The following NPL variants were observed in gnomAD, a reference collection of about 807,000 sequenced individuals.
NPL encodes the protein N-acetylneuraminate lyase.
Under a neutral mutation model 41.1 loss-of-function variants are expected in NPL, and 32 were observed. That is an observed-to-expected ratio of 0.78 (90% confidence interval 0.59 to 1.05). The LOEUF (loss-of-function observed/expected upper bound fraction) is 1.05, where lower values mean the gene tolerates loss of function less well. NPL is among the 50% of genes least tolerant of loss of function. The pLI is 0.00. For synonymous variants in NPL, 128 were observed against 134.9 expected (o/e 0.95, Z 0.35); for missense variants, 321 against 378.4 (o/e 0.85, Z 1.26).
chr1:182,829,064 G>A lies in NPL; in HGVS notation c.*156G>A. ...AGGTACCTTTTGTGAGCCTTAAAAA[G>A]TCTTATTTTGTGAAGGGGCAAAAAC... On this transcript the variant is annotated 3_prime_UTR_variant, in exon 13 of 13. Coordinates refer to ENST00000367553, the MANE Select transcript of NPL (RefSeq NM_030769.3). The A allele has an allele frequency of 1.4e-6, 2 of 1,455,090 alleles. No homozygotes were observed. Among genetic ancestry groups the A allele is most frequent in the Non-Finnish European group, 1.8e-6 (2 of 1,111,276 alleles). 90.1% of individuals were successfully genotyped at this position (1,455,090 alleles called of 1,614,324 possible).
In NPL at chr1:182,803,693, T is replaced by C; in HGVS notation, c.69-5T>C. 1 of 1,601,826 alleles carries C rather than the reference T, an allele frequency of 6.2e-7. No individual in the cohort carries two copies. The highest frequency in any genetic ancestry group is 8.6e-7 in the Non-Finnish European group (1 of 1,168,736). ...AATATGCCTTTTTTTCCACATGTCT[T>C]CTAGAGAAATCAACTTTTCAGTAAT... is the stretch of plus-strand genomic sequence containing the variant. On this transcript the variant is annotated splice_polypyrimidine_tract_variant and splice_region_variant and intron_variant, in intron 3 of 12. Transcript: ENST00000367553.
intron 3 of NPL, among the ~76,000 whole-genome samples, chr1:182,801,746 G>C (rs550913736): frequency 2.0e-5 from 3 of 152,106 alleles, no homozygotes; most frequent in Non-Finnish European, 4.4e-5. Flanking sequence ...TGAGGCAAGA[G>C]AATCACTTGA....
chr1:182,813,293 T>G (rs1458260040), intron 6 of NPL, among the ~76,000 whole-genome samples: 1 of 152,220 alleles, frequency 6.6e-6, no homozygotes, highest in African/African-American at 2.4e-5. Context: ...TGGCCCAGCT[T>G]CTTCTTAATG....
chr1:182,803,724 A>AC lies in NPL; in HGVS notation c.95_96insC (p.Gln32HisfsTer75). On this transcript the variant is annotated frameshift_variant, in exon 4 of 13. Coordinates refer to ENST00000367553, the MANE Select transcript of NPL (RefSeq NM_030769.3). LOFTEE classifies it high-confidence loss of function. Reference sequence around the variant, plus strand: ...GAAATCAACTTTTCAGTAATTGGTCAGTATGTGGATTATCTTGTGAAAGAA... The same window carrying AC: ...GAAATCAACTTTTCAGTAATTGGTCACGTATGTGGATTATCTTGTGAAAGAA... 6.2e-7 allele frequency: 1 copy of AC among 1,613,290 alleles called. No homozygotes were observed. Among genetic ancestry groups the AC allele is most frequent in the Non-Finnish European group, 8.5e-7 (1 of 1,179,226 alleles).
chr1:182,818,498 C>G (rs1363610490), intron 8 of NPL, 43 bp from the exon 9 acceptor site: 1 of 1,609,898 alleles, frequency 6.2e-7, no homozygotes. Context: ...ATGTTATTTC[C>G]TAGAGATGTG....
rs1667676598 is a variant in NPL at position 182,828,081 on chromosome 1, A to G, written c.779-643A>G. ...CCATCCACAAGCCTAGTAGAAGTCA[A>G]GCTTTCTTCTTTATCCCCAGACCAG... On this transcript the variant is annotated intron_variant, in intron 12 of 12. Coordinates refer to ENST00000367553, the MANE Select transcript of NPL (RefSeq NM_030769.3). This position sits in a 1 kb window ranked among gnomAD's most constrained non-coding sequence, Gnocchi z 4.0. Among the ~76,000 whole-genome samples, 1 of 152,112 alleles carries G rather than the reference A, an allele frequency of 6.6e-6. No homozygotes were observed.
At chr1:182,826,004 ATCT>A (rs1667622158) in intron 12 of NPL, 184 bp downstream of exon 12, 1 of 653,940 alleles carries the variant, frequency 1.5e-6, no homozygotes, top group Non-Finnish European at 2.8e-6. Context: ...TAGTTGGAAA[ATCT>A]TTGGCAACCT....
At chr1:182,803,154 C>T (rs1666900429) in intron 3 of NPL, among the ~76,000 whole-genome samples, 1 of 152,118 alleles carries the variant, frequency 6.6e-6, no homozygotes, top group African/African-American at 2.4e-5. Context: ...GTAATGACTT[C>T]CTAATAATTG....
chr1:182,792,526 G>A (rs995653301), intron 2 of NPL, among the ~76,000 whole-genome samples: 1 of 152,102 alleles, frequency 6.6e-6, no homozygotes, highest in Non-Finnish European at 1.5e-5. Context: ...CAGAGGCTAA[G>A]TGGCCTGCTT....
At chr1:182,806,353 G>A in intron 5 of NPL, 121 bp downstream of exon 5, 1 of 1,555,288 alleles carries the variant, frequency 6.4e-7, no homozygotes, top group Non-Finnish European at 8.7e-7. Context: ...GTCAGCTGGT[G>A]GGAAGATGAG....
intron 8 of NPL, among the ~76,000 whole-genome samples, chr1:182,818,035 T>G (rs545884861): frequency 6.6e-6 from 1 of 152,334 alleles, no homozygotes. Context: ...TTGGTTCCCC[T>G]GGCAACCAGC....
Position 182,818,870 on chromosome 1 carries a change from C to T in NPL, c.653+11C>T. 1 of 1,613,354 alleles carries T rather than the reference C, an allele frequency of 6.2e-7. No homozygotes were observed. The highest frequency in any genetic ancestry group is 8.5e-7 in the Non-Finnish European group (1 of 1,179,278). ...TGGAGCAGTGGGCAGGTAAGCATGACTCATTTTTCCCAGTGGTTATAAAGT... is the reference window on the plus strand; with the variant it reads ...TGGAGCAGTGGGCAGGTAAGCATGATTCATTTTTCCCAGTGGTTATAAAGT... On this transcript the variant is annotated intron_variant, in intron 10 of 12. Transcript: ENST00000367553.
intron 5 of NPL, among the ~76,000 whole-genome samples, chr1:182,807,783 C>G (rs1243685587): frequency 3.4e-5 from 5 of 147,686 alleles, no homozygotes; most frequent in Non-Finnish European, 5.9e-5. Flanking sequence ...CCCAGCTACT[C>G]AGGAGGCTGA....
intron 3 of NPL, among the ~76,000 whole-genome samples, chr1:182,800,821 C>T (rs1666826123): frequency 6.6e-6 from 1 of 151,390 alleles, no homozygotes; most frequent in South Asian, 2.1e-4. Flanking sequence ...CCTCCACCTC[C>T]CGGGTTCAAG....
intron 3 of NPL, among the ~76,000 whole-genome samples, chr1:182,800,717 A>G (rs1176204381): frequency 7.1e-6 from 1 of 141,552 alleles, no homozygotes; most frequent in African/African-American, 2.6e-5. Flanking sequence ...ATGGAAATGT[A>G]GCCCTGGCTT....
intron 4 of NPL, among the ~76,000 whole-genome samples, chr1:182,805,298 G>A (rs1322302137): frequency 1.3e-5 from 2 of 152,204 alleles, no homozygotes; most frequent in African/African-American, 4.8e-5. Context: ...GGGCATGGTG[G>A]TGGGTCCCTG....
chr1:182,827,127 C>G lies in NPL; in HGVS notation c.778+1307C>G, dbSNP rs1182113844. ...TGAAACTGCAGACAAGGGAGACCTA[C>G]TGTATATTCGATCATGCTAATATTT... On this transcript the variant is annotated intron_variant, in intron 12 of 12. Coordinates refer to ENST00000367553, the MANE Select transcript of NPL (RefSeq NM_030769.3). The G allele has an allele frequency of 2.0e-5, 3 of 152,216 alleles. No individual in the cohort carries two copies. In the East Asian group the frequency reaches 5.8e-4, roughly 29 times the overall value. 9.4% of individuals were successfully genotyped at this position (152,216 alleles called of 1,614,324 possible).
chr1:182,790,001 G>C (rs1303427742), intron 1 of NPL, among the ~76,000 whole-genome samples, 196 bp downstream of exon 1: 4 of 152,246 alleles, frequency 2.6e-5, no homozygotes, highest in Admixed American at 6.5e-5. Context: ...TGTAGGGACA[G>C]ACGGGGGCAG....
chr1:182,801,895 A>G (rs192045776), intron 3 of NPL, among the ~76,000 whole-genome samples: 30 of 152,260 alleles, frequency 2.0e-4, no homozygotes, highest in Admixed American at 4.6e-4. Flanking sequence ...CTATTTATCC[A>G]ATGTCTTCTT....
Sources: gnomAD v4.1 joint callset for allele counts (sites outside exome capture counted in the v4.1 genomes callset) on GRCh38, gnomAD v4.1.1 for gene constraint, Gnocchi (gnomAD v3.1) non-coding constraint, MANE v1.5 for transcripts, NCBI Gene and HGNC (gene_info 2026-07-23, HGNC 2026-07-21) for gene names.